The following ZNF385D variants were observed in gnomAD, a reference collection of about 807,000 sequenced individuals.
ZNF385D encodes zinc finger protein 385D.
In ZNF385D, 15 loss-of-function variants were observed where a neutral mutation model predicts 35.8. The observed-to-expected ratio is 0.42, with a 90% CI of 0.28 to 0.64. The LOEUF is 0.64. ZNF385D is among the 30% of genes least tolerant of loss of function. The pLI, the probability that ZNF385D is intolerant of heterozygous loss-of-function variation, is 0.23. For synonymous variants in ZNF385D, 212 were observed against 186.8 expected (o/e 1.13, Z -1.10); for missense variants, 474 against 494.6 (o/e 0.96, Z 0.39).
intron 1 of ZNF385D, among the ~76,000 whole-genome samples, chr3:21,703,767 T>C (rs2067788319): frequency 1.3e-5 from 2 of 152,118 alleles, no homozygotes; most frequent in African/African-American, 2.4e-5. Context: ...TGGCCAAATA[T>C]GTTGTTATTT....
rs937087339 is a variant in ZNF385D, at chr3:22,162,064, C to T, written c.325+6753G>A. 5.9e-5 allele frequency among the ~76,000 whole-genome samples: 9 copies of T among 152,238 alleles called. No homozygotes were observed. The East Asian group carries it at 1.4e-3, about 23-fold the overall frequency. Reference sequence around the variant, plus strand: ...AATGATGTATATGAAGTACTTGGAACAGTTGATGCTAGTTCCCTTCTCATT... The same window carrying T: ...AATGATGTATATGAAGTACTTGGAATAGTTGATGCTAGTTCCCTTCTCATT... On this transcript the variant is annotated intron_variant, in intron 3 of 5. Transcript: ENST00000494108.
chr3:21,867,788 C>A (rs1161853560), intron 3 of ZNF385D, among the ~76,000 whole-genome samples: 1 of 151,144 alleles, frequency 6.6e-6, no homozygotes, highest in Non-Finnish European at 1.5e-5. Context: ...AGTTTTGAGA[C>A]CTTAAGCCAG....
intron 3 of ZNF385D, among the ~76,000 whole-genome samples, chr3:22,139,254 C>T (rs1704344599): frequency 6.6e-6 from 1 of 152,150 alleles, no homozygotes; most frequent in African/African-American, 2.4e-5. Context: ...ACCCAGCCAT[C>T]CCATTACTGG....
intron 3 of ZNF385D, among the ~76,000 whole-genome samples, chr3:21,937,705 T>G (rs1701326647): frequency 6.6e-6 from 1 of 152,176 alleles, no homozygotes. Flanking sequence ...TCCCTACAGC[T>G]TGATGTGAAC....
intron 1 of ZNF385D, among the ~76,000 whole-genome samples, chr3:21,731,844 T>C (rs2069012395): frequency 6.6e-6 from 1 of 152,076 alleles, no homozygotes. Context: ...CTTGCTAATA[T>C]GCATTTAATG....
chr3:22,031,470 TC>T (rs1697997802), intron 3 of ZNF385D, among the ~76,000 whole-genome samples: 1 of 152,186 alleles, frequency 6.6e-6, no homozygotes, highest in African/African-American at 2.4e-5. Flanking sequence ...AAGGCTTGGG[TC>T]TTGCACCCTT....
intron 3 of ZNF385D, among the ~76,000 whole-genome samples, chr3:21,805,153 G>C (rs1018205820): frequency 6.6e-6 from 1 of 152,208 alleles, no homozygotes. Flanking sequence ...TGAATGGTGT[G>C]AGAAAACAGT....
intron 3 of ZNF385D, among the ~76,000 whole-genome samples, chr3:21,987,544 A>G (rs1450816621): frequency 7.7e-6 from 1 of 129,554 alleles, no homozygotes; most frequent in Admixed American, 7.2e-5. Context: ...ATCCACTGTT[A>G]GTCTGATGGG....
At chr3:21,981,655 G>T (rs1694459384) in intron 3 of ZNF385D, among the ~76,000 whole-genome samples, 2 of 152,080 alleles carry the variant, frequency 1.3e-5, no homozygotes, top group South Asian at 4.2e-4. Context: ...TGTCCAGGGT[G>T]GTATTGCCTA....
chr3:22,328,969 T>C (rs1239265373), intron 2 of ZNF385D, among the ~76,000 whole-genome samples: 8 of 145,378 alleles, frequency 5.5e-5, no homozygotes, highest in South Asian at 2.2e-4. Flanking sequence ...CCCACCTACT[T>C]GGGAGGCTGA....
intron 2 of ZNF385D, among the ~76,000 whole-genome samples, chr3:22,327,524 G>T (rs770476058): frequency 1.2e-4 from 18 of 152,150 alleles, no homozygotes; most frequent in Non-Finnish European, 2.5e-4. Flanking sequence ...AATGCTTCCA[G>T]CCACATTTCC....
rs537543301 is a variant in ZNF385D, at chr3:22,165,225, T to C, written c.325+3592A>G. On this transcript the variant is annotated intron_variant, in intron 3 of 5. Transcript: ENST00000494108. ...AAATGTAGCACTGTTGTGCATGGTG[T>C]TGATAGTGCGGAAGGCTGTGTGTGA... is the stretch of plus-strand genomic sequence containing the variant. Among the ~76,000 whole-genome samples, 15 of 152,346 alleles carry C rather than the reference T, an allele frequency of 9.8e-5. No individual in the cohort carries two copies. The South Asian group carries it at 2.7e-3, about 27-fold the overall frequency.
chr3:21,868,643 G>C (rs1159337644), intron 3 of ZNF385D, among the ~76,000 whole-genome samples: 1 of 152,038 alleles, frequency 6.6e-6, no homozygotes, highest in African/African-American at 2.4e-5. Flanking sequence ...GACAATTCTT[G>C]GTTCCAACCA....
chr3:21,642,229 C>G (rs1006631617), intron 2 of ZNF385D, among the ~76,000 whole-genome samples: 1 of 152,056 alleles, frequency 6.6e-6, no homozygotes, highest in Non-Finnish European at 1.5e-5. Flanking sequence ...ATCCAAAAAA[C>G]GCTTTGCATT....
chr3:22,268,240 C>T (rs1426836332), intron 2 of ZNF385D, among the ~76,000 whole-genome samples: 2 of 151,916 alleles, frequency 1.3e-5, no homozygotes, highest in Non-Finnish European at 2.9e-5. Context: ...ACAGCAATGG[C>T]ACAAATCAGC....
At chr3:21,497,439 AG>A (rs1340554617) in intron 4 of ZNF385D, among the ~76,000 whole-genome samples, 1 of 152,230 alleles carries the variant, frequency 6.6e-6, no homozygotes, top group African/African-American at 2.4e-5. Context: ...ATGGATAGAA[AG>A]AATTAATATT....
At chr3:21,663,127 A>G (rs1438705412) in intron 2 of ZNF385D, among the ~76,000 whole-genome samples, 5 of 152,168 alleles carry the variant, frequency 3.3e-5, no homozygotes, top group Non-Finnish European at 7.3e-5. Flanking sequence ...CCCATGAAAA[A>G]AACCCACAAA....
At chr3:21,591,626 T>C (rs2063978728) in intron 2 of ZNF385D, among the ~76,000 whole-genome samples, 1 of 152,162 alleles carries the variant, frequency 6.6e-6, no homozygotes, top group Non-Finnish European at 1.5e-5. Flanking sequence ...CCACATGCAA[T>C]ACATTTAGTA....
intron 2 of ZNF385D, among the ~76,000 whole-genome samples, chr3:22,238,714 A>G (rs888610824): frequency 2.0e-5 from 3 of 150,572 alleles, no homozygotes; most frequent in Admixed American, 2.0e-4. Context: ...GTGGGTGTGT[A>G]ATGTTTCTTA....
Sources: allele counts gnomAD v4.1 joint callset (sites outside exome capture counted in the v4.1 genomes callset), GRCh38; gene constraint gnomAD v4.1.1; transcripts MANE v1.5; gene names NCBI Gene and HGNC (gene_info 2026-07-23, HGNC 2026-07-21).